The following SLC44A4 variants were observed in gnomAD, a reference collection of about 807,000 sequenced individuals.
SLC44A4 encodes the protein solute carrier family 44 member 4.
In SLC44A4, 74 loss-of-function variants were observed where a neutral mutation model predicts 97.0. That is an observed-to-expected ratio of 0.76 (90% confidence interval 0.63 to 0.93). The LOEUF (loss-of-function observed/expected upper bound fraction) is 0.93, where lower values mean the gene tolerates loss of function less well. Among genes scored for constraint, SLC44A4 ranks in the 40% least tolerant of loss-of-function variants. The pLI, the probability that SLC44A4 is intolerant of heterozygous loss-of-function variation, is 0.00. For synonymous variants in SLC44A4, 325 were observed against 363.8 expected (o/e 0.89, Z 1.21); for missense variants, 799 against 902.9 (o/e 0.88, Z 1.48).
rs773810938 is a variant in SLC44A4, at chr6:31,864,804, G to C, written c.1926+12C>G. 2 of 1,613,988 alleles carry C rather than the reference G, an allele frequency of 1.2e-6. No individual in the cohort carries two copies. The highest frequency in any genetic ancestry group is 1.7e-6 in the Non-Finnish European group (2 of 1,179,870). On this transcript the variant is annotated intron_variant, in intron 19 of 20. Transcript: ENST00000229729. ...AGTTGGGGGTGGAGCAGCAGAGAGG[G>C]GAGTCACTCACCATGATGGGCAGCC... is the stretch of plus-strand genomic sequence containing the variant.
At position 31,871,318 on chromosome 6, in the gene SLC44A4, G is replaced by A; in HGVS notation, c.697C>T (p.Leu233Phe). Reference sequence around the variant, plus strand: ...GAGGGGAATCTGGTGACTCACACAAGAATCCAATACCAGGACTGGGCAAAA... The same window carrying A: ...GAGGGGAATCTGGTGACTCACACAAAAATCCAATACCAGGACTGGGCAAAA... Reference protein sequence around the residue: ...EDFAQSWYWILVALGVALVLS... With the variant: ...EDFAQSWYWIFVALGVALVLS... The change falls in exon 9 of 21, where the codon CTT becomes TTT. Residue 233 changes from leucine to phenylalanine, a missense_variant. Physicochemically the swap from Leu to Phe is conservative, Grantham distance 22. Transcript: ENST00000229729. The A allele has an allele frequency of 6.2e-7, 1 of 1,613,854 alleles. No homozygotes were observed. The highest frequency in any genetic ancestry group is 8.5e-7 in the Non-Finnish European group (1 of 1,179,740).
rs945337808 is a variant in SLC44A4 at position 31,870,525 on chromosome 6, C to G, written c.1037+78G>C. On this transcript the variant is annotated intron_variant, in intron 11 of 20. Coordinates refer to ENST00000229729, the MANE Select transcript of SLC44A4 (RefSeq NM_025257.3). ...TCCTCTGAGGCTCCCTGCCACCTCT[C>G]TAGCACCCCCTAGGTCCCCTAGCAC... The G allele has an allele frequency of 5.0e-6, 6 of 1,211,032 alleles. No individual in the cohort carries two copies. The African/African-American group carries it at 9.0e-5, about 18-fold the overall frequency. The allele number at this position is 1,211,032 out of a possible 1,614,324, so 75.0% of individuals were successfully genotyped here.
rs765515704 is a variant in SLC44A4 at position 31,874,811 on chromosome 6, A to G, written c.378T>C (p.Thr126=). 1 of 1,613,398 alleles carries G rather than the reference A, an allele frequency of 6.2e-7. No homozygotes were observed. The highest frequency in any genetic ancestry group is 1.7e-5 in the Admixed American group (1 of 59,742). The stretch of plus-strand genomic sequence containing the variant: ...TCTGTGAGAACTCGTTTTTTCCCAC[A>G]GTCCATGGGTCCTCCGGGCAGGAGG... The part of the protein sequence containing the change: ...CVSSCPEDPW[T]VGKNEFSQTV... Residue 126 remains threonine (T), a synonymous_variant, in exon 6 of 21, where the codon ACT becomes ACC. Transcript: ENST00000229729. The surrounding 1 kb of genome is among the most constrained non-coding windows in gnomAD (Gnocchi z 4.8).
At chr6:31,869,365 G>A (rs1763028075) in intron 12 of SLC44A4, 108 bp from the exon 13 acceptor site, 5 of 1,009,138 alleles carry the variant, frequency 5.0e-6, no homozygotes, top group East Asian at 5.1e-5. Context: ...GCACAGAGAG[G>A]GCTGAAATTC....
At position 31,869,645 on chromosome 6, in the gene SLC44A4, G is replaced by A. The variant is rs764631023; in HGVS notation, c.1038-8C>T. On this transcript the variant is annotated splice_polypyrimidine_tract_variant and splice_region_variant and intron_variant, in intron 11 of 20. Transcript: ENST00000229729. ...ATCATCTGTCCCACAGCCCTGCAGG[G>A]AGACAAAGCTGTTAACCGGCACCGC... The A allele has an allele frequency of 6.3e-7, 1 of 1,593,950 alleles. No homozygotes were observed. The highest frequency in any genetic ancestry group is 1.8e-5 in the Admixed American group (1 of 57,088).
intron 13 of SLC44A4, among the ~76,000 whole-genome samples, chr6:31,866,952 A>G (rs1762902542): frequency 6.6e-6 from 1 of 152,052 alleles, no homozygotes; most frequent in Non-Finnish European, 1.5e-5. Context: ...CAAAAAGTTG[A>G]GGGTTGTGGA....
intron 4 of SLC44A4, among the ~76,000 whole-genome samples, chr6:31,875,622 C>T (rs891306978): frequency 3.3e-5 from 5 of 152,170 alleles, no homozygotes; most frequent in Non-Finnish European, 5.9e-5. Flanking sequence ...ACACTTAACA[C>T]GACTCTCCAC....
At position 31,878,942 on chromosome 6, in the gene SLC44A4, G is replaced by A; in HGVS notation, c.39C>T (p.Tyr13=). The part of the protein sequence containing the change: ...GKQRDEDDEA[Y]GKPVKYDPSF... Reference sequence around the variant, plus strand: ...TCCCGGGCCTCGCCCCAGTCTCACCGTAGGCCTCGTCATCCTCGTCCCGCT... The same window carrying A: ...TCCCGGGCCTCGCCCCAGTCTCACCATAGGCCTCGTCATCCTCGTCCCGCT... The change falls in exon 1 of 21, where the codon TAC becomes TAT. Residue 13 remains tyrosine (Y), a splice_region_variant and synonymous_variant. Transcript: ENST00000229729. The surrounding 1 kb of genome is among the most constrained non-coding windows in gnomAD (Gnocchi z 4.0). The A allele has an allele frequency of 3.7e-6, 6 of 1,613,746 alleles. No homozygotes were observed. The highest frequency in any genetic ancestry group is 5.1e-6 in the Non-Finnish European group (6 of 1,179,892).
In SLC44A4 at chr6:31,865,882, C is replaced by A. The variant is rs749433321; in HGVS notation, c.1478G>T (p.Arg493Leu). ...CCTGCCCCATCCTTACCGGAGTGTG[C>A]GGATGAAGGCAGAGATTAAGGGGAA... Reference protein sequence around the residue: ...PTFPLISAFIRTLRYHTGSLA... With the variant: ...PTFPLISAFILTLRYHTGSLA... Residue 493 changes from arginine (R) to leucine (L), a missense_variant, in exon 14 of 21, where the codon CGC (arginine) becomes CTC (leucine). This residue lies in a region of SLC44A4 where 379 missense variants were observed against 438.3 expected (regional missense o/e 0.86). Coordinates refer to ENST00000229729, the MANE Select transcript of SLC44A4 (RefSeq NM_025257.3). This position sits in a 1 kb window ranked among gnomAD's most constrained non-coding sequence, Gnocchi z 5.2. 6.2e-7 allele frequency: 1 copy of A among 1,614,070 alleles called. No individual in the cohort carries two copies. Among genetic ancestry groups the A allele is most frequent in the Non-Finnish European group, 8.5e-7 (1 of 1,179,996 alleles).
chr6:31,864,742 A>C lies in SLC44A4; in HGVS notation c.1927-6T>G. ...TAGGCCCCCAGGATGGAGGTCTGGA[A>C]GACATGACCCGTTGGGGTTATTGGG... is the stretch of plus-strand genomic sequence containing the variant. On this transcript the variant is annotated splice_polypyrimidine_tract_variant and splice_region_variant and intron_variant, in intron 19 of 20. Transcript: ENST00000229729. 6.2e-7 allele frequency: 1 copy of C among 1,614,152 alleles called. No homozygotes were observed.
intron 9 of SLC44A4, 54 bp from the exon 10 acceptor site, chr6:31,871,101 C>A: frequency 1.3e-6 from 2 of 1,507,346 alleles, no homozygotes; most frequent in Non-Finnish European, 1.8e-6. Flanking sequence ...AAATCTTTCC[C>A]CTTACAGAGG....
chr6:31,877,104 G>A lies in SLC44A4; in HGVS notation c.41-22C>T. 6.2e-7 allele frequency: 1 copy of A among 1,606,342 alleles called. No individual in the cohort carries two copies. The highest frequency in any genetic ancestry group is 8.5e-7 in the Non-Finnish European group (1 of 1,177,196). On this transcript the variant is annotated intron_variant, in intron 1 of 20. Transcript: ENST00000229729. The surrounding 1 kb of genome is among the most constrained non-coding windows in gnomAD (Gnocchi z 6.5). ...TTCCCTGAGGGACATGAGAAGAGGT[G>A]TGGAGGATGAGTCTCTCTCTGCATA... is the stretch of plus-strand genomic sequence containing the variant.
In SLC44A4 at chr6:31,865,414, T is replaced by C. The variant is rs1278304931; in HGVS notation, c.1687-26A>G. On this transcript the variant is annotated intron_variant, in intron 16 of 20. Transcript: ENST00000229729. The surrounding 1 kb of genome is among the most constrained non-coding windows in gnomAD (Gnocchi z 5.2). ...CTGAGGGAGGTGGAAAGGTCAGAGTTACCAAGGCGAGCTGCCTGGACCAGG... is the reference window on the plus strand; with the variant it reads ...CTGAGGGAGGTGGAAAGGTCAGAGTCACCAAGGCGAGCTGCCTGGACCAGG... The C allele has an allele frequency of 6.2e-7, 1 of 1,613,670 alleles. No homozygotes were observed. Among genetic ancestry groups the C allele is most frequent in the Non-Finnish European group, 8.5e-7 (1 of 1,179,820 alleles).
chr6:31,869,212 G>A lies in SLC44A4; in HGVS notation c.1176C>T (p.Ser392=). The stretch of plus-strand genomic sequence containing the variant: ...TCTCACAGCCGGGGGAGCTGATGTT[G>A]GATGCCCAGAGCACATACTGGGGTT... The part of the protein sequence containing the change: ...SGQPQYVLWA[S]NISSPGCEKV... The change falls in exon 13 of 21, where the codon TCC becomes TCT. Residue 392 remains serine (S), a synonymous_variant. Transcript: ENST00000229729. 1 of 1,610,956 alleles carries A rather than the reference G, an allele frequency of 6.2e-7. No individual in the cohort carries two copies. Among genetic ancestry groups the A allele is most frequent in the Non-Finnish European group, 8.5e-7 (1 of 1,179,134 alleles).
Position 31,869,626 on chromosome 6 carries a change from TGTCCC to T in SLC44A4, c.1044_1048del (p.Gly349AspfsTer50), listed in dbSNP as rs754949620. 6.2e-7 allele frequency: 1 copy of T among 1,601,626 alleles called. No individual in the cohort carries two copies. The highest frequency in any genetic ancestry group is 8.5e-7 in the Non-Finnish European group (1 of 1,174,578). On this transcript the variant is annotated frameshift_variant, in exon 12 of 21. Transcript: ENST00000229729. LOFTEE classifies it high-confidence loss of function. ...TGGGTAGAACATGGTAGACATCATC[TGTCCC>T]ACAGCCCTGCAGGGAGACAAAGCTG...
At chr6:31,871,120 G>T in intron 9 of SLC44A4, 73 bp from the exon 10 acceptor site, 1 of 1,403,190 alleles carries the variant, frequency 7.1e-7, no homozygotes, top group Non-Finnish European at 9.9e-7. Flanking sequence ...GGCCCTCCCT[G>T]CCTTTCCACA....
In SLC44A4 at chr6:31,865,403, A is replaced by G. The variant is rs1430904685; in HGVS notation, c.1687-15T>C. On this transcript the variant is annotated splice_polypyrimidine_tract_variant and intron_variant, in intron 16 of 20. Coordinates refer to ENST00000229729, the MANE Select transcript of SLC44A4 (RefSeq NM_025257.3). The surrounding 1 kb of genome is among the most constrained non-coding windows in gnomAD (Gnocchi z 5.2). ...TAGATGGCGATCTGAGGGAGGTGGAAAGGTCAGAGTTACCAAGGCGAGCTG... is the reference window on the plus strand; with the variant it reads ...TAGATGGCGATCTGAGGGAGGTGGAGAGGTCAGAGTTACCAAGGCGAGCTG... The G allele has an allele frequency of 1.2e-6, 2 of 1,614,048 alleles. No individual in the cohort carries two copies. Among genetic ancestry groups the G allele is most frequent in the Admixed American group, 1.7e-5 (1 of 60,002 alleles).
At position 31,865,725 on chromosome 6, in the gene SLC44A4, C is replaced by CG. The variant is rs1562442761; in HGVS notation, c.1546dup (p.Arg516ProfsTer8). Reference sequence around the variant, plus strand: ...GTGGTCAATATACTCCAAGATGACCCGGGCTATCTGCACAAGGGTCAGGAT... The same window carrying CG: ...GTGGTCAATATACTCCAAGATGACCCGGGGCTATCTGCACAAGGGTCAGGAT... On this transcript the variant is annotated frameshift_variant, in exon 15 of 21. Transcript: ENST00000229729. LOFTEE classifies it high-confidence loss of function. This position sits in a 1 kb window ranked among gnomAD's most constrained non-coding sequence, Gnocchi z 5.2. The CG allele has an allele frequency of 6.2e-7, 1 of 1,613,490 alleles. No individual in the cohort carries two copies. Among genetic ancestry groups the CG allele is most frequent in the South Asian group, 1.1e-5 (1 of 91,084 alleles).
In SLC44A4 at chr6:31,864,905, G is replaced by A. The variant is rs1377349052; in HGVS notation, c.1837C>T (p.Leu613=). ...CGACCGGAGAAAAAAAAGAAGGACA[G>A]GACCCCTGTGGAATAATTCTGGGGG... ...KLLVVGGVGV[L]SFFFFSGRIP... is the part of the protein sequence containing the mutation. The change falls in exon 19 of 21, where the codon CTG becomes TTG. Residue 613 remains leucine (L), a synonymous_variant. Transcript: ENST00000229729. The A allele has an allele frequency of 1.2e-6, 2 of 1,613,904 alleles. No individual in the cohort carries two copies. Among genetic ancestry groups the A allele is most frequent in the Non-Finnish European group, 1.7e-6 (2 of 1,179,958 alleles).
Sources: allele counts gnomAD v4.1 joint callset (sites outside exome capture counted in the v4.1 genomes callset), GRCh38; gene constraint gnomAD v4.1.1; regional missense constraint gnomAD v4.1.1; non-coding constraint Gnocchi (gnomAD v3.1); transcripts MANE v1.5; gene names NCBI Gene and HGNC (gene_info 2026-07-23, HGNC 2026-07-21).